SLC47A2: variants seen among roughly 807,000 people sequenced by gnomAD.
SLC47A2 encodes the protein multidrug and toxin extrusion protein 2.
In SLC47A2, 52 loss-of-function variants were observed where a neutral mutation model predicts 67.7. The observed-to-expected ratio is 0.77, with a 90% confidence interval of 0.61 to 0.97. SLC47A2 has a LOEUF of 0.97. SLC47A2 is among the 50% of genes least tolerant of loss of function. The pLI, the probability that SLC47A2 is intolerant of heterozygous loss-of-function variation, is 0.00. For synonymous variants in SLC47A2, 278 were observed against 292.9 expected (o/e 0.95, Z 0.52); for missense variants, 676 against 712.3 (o/e 0.95, Z 0.58).
rs758740002 is a variant in SLC47A2, at chr17:19,681,460, G to A, written c.1299C>T (p.Gly433=). 14 of 1,613,936 alleles carry A rather than the reference G, an allele frequency of 8.7e-6. No homozygotes were observed. Among genetic ancestry groups the A allele is most frequent in the Admixed American group, 1.7e-5 (1 of 59,976 alleles). Residue 433 remains glycine (G), a splice_region_variant and synonymous_variant, in exon 15 of 17, where the codon GGC becomes GGT. Transcript: ENST00000433844. ...CACAGGCCAGCATGCCCAGCCAGAG[G>A]CCTGGAGGAGACAAGTGATGATGGG... ...LTFVVRMRIM[G]LWLGMLACVF...
At chr17:19,686,735 C>G (rs2085438575) in intron 13 of SLC47A2, among the ~76,000 whole-genome samples, 2 of 152,122 alleles carry the variant, frequency 1.3e-5, no homozygotes, top group Admixed American at 1.3e-4. Flanking sequence ...GTCAGTTCAG[C>G]AAGAGAATAT....
At chr17:19,681,908 G>A (rs769587107) in intron 13 of SLC47A2, among the ~76,000 whole-genome samples, 1 of 152,110 alleles carries the variant, frequency 6.6e-6, no homozygotes, top group Non-Finnish European at 1.5e-5. Context: ...CAGTACTCAG[G>A]CTTCACTGCC....
intron 13 of SLC47A2, among the ~76,000 whole-genome samples, chr17:19,687,475 T>A (rs1189626625): frequency 6.6e-6 from 1 of 151,398 alleles, no homozygotes; most frequent in Non-Finnish European, 1.5e-5. Flanking sequence ...AACCCAAAAT[T>A]AGTAGAAGAA....
At chr17:19,701,431 T>C (rs1434963659) in intron 13 of SLC47A2, among the ~76,000 whole-genome samples, 3 of 152,096 alleles carry the variant, frequency 2.0e-5, no homozygotes, top group Non-Finnish European at 4.4e-5. Context: ...TCCATAAATA[T>C]GATTTCTTTC....
chr17:19,686,705 A>G (rs2085437588), intron 13 of SLC47A2, among the ~76,000 whole-genome samples: 1 of 152,236 alleles, frequency 6.6e-6, no homozygotes, highest in South Asian at 2.1e-4. Context: ...AGACAAGGTC[A>G]TTGTATAACG....
rs757113002 is a variant in SLC47A2, at chr17:19,707,723, C to T, written c.727+23G>A. On this transcript the variant is annotated intron_variant, in intron 8 of 16. Coordinates refer to ENST00000433844, the MANE Select transcript of SLC47A2 (RefSeq NM_001099646.3). ...CACCACCGCTGGCCTGCTCAGCCTCCCAGAGCAGGCCAGGCCTCCCACCTG... is the reference window on the plus strand; with the variant it reads ...CACCACCGCTGGCCTGCTCAGCCTCTCAGAGCAGGCCAGGCCTCCCACCTG... 51 of 1,561,916 alleles carry T rather than the reference C, an allele frequency of 3.3e-5. No individual in the cohort carries two copies. The African/African-American group carries it at 5.9e-4, about 18-fold the overall frequency.
At chr17:19,711,588 C>CAAAAAAAAAA (rs35308426) in intron 5 of SLC47A2, among the ~76,000 whole-genome samples, 70 of 32,988 alleles carry the variant, frequency 2.1e-3, no homozygotes, top group East Asian at 5.0e-3. Flanking sequence ...AACTCCGTCT[C>CAAAAAAAAAA]AAAAAAAAAA....
chr17:19,684,980 G>C (rs879115526), intron 13 of SLC47A2, among the ~76,000 whole-genome samples: 1 of 151,988 alleles, frequency 6.6e-6, no homozygotes, highest in African/African-American at 2.4e-5. Flanking sequence ...CGAGTGCCTG[G>C]GATTCCAGGC....
At position 19,714,780 on chromosome 17, in the gene SLC47A2, C is replaced by T; in HGVS notation, c.235G>A (p.Val79Ile). The T allele has an allele frequency of 1.9e-6, 3 of 1,614,126 alleles. No homozygotes were observed. Among genetic ancestry groups the T allele is most frequent in the Non-Finnish European group, 2.5e-6 (3 of 1,180,050 alleles). The stretch of plus-strand genomic sequence containing the variant: ...CCAACTCCTACAGAAACTCCGCAGA[C>T]ATTGACAAACTGGCGCCACACACAG... The part of the protein sequence containing the change: ...SVTLAVAFVN[V>I]CGVSVGVGLS... Residue 79 changes from valine to isoleucine, a missense_variant, in exon 3 of 17, where the codon GTC becomes ATC. Transcript: ENST00000433844.
Position 19,681,652 on chromosome 17 carries a change from G to C in SLC47A2, c.1183C>G (p.Leu395Val). The change falls in exon 14 of 17, where the codon CTG becomes GTG. Residue 395 changes from leucine (L) to valine (V), a missense_variant. Transcript: ENST00000433844. ...EAICCVYGGVLRGTGKQAFGA... is the reference protein window; with the variant it reads ...EAICCVYGGVVRGTGKQAFGA... ...AAGGCCTGCTTCCCAGTTCCTCTCA[G>C]AACTCCGCCATAGACACACTAGGAG... 6.2e-7 allele frequency: 1 copy of C among 1,613,674 alleles called. No homozygotes were observed. Among genetic ancestry groups the C allele is most frequent in the South Asian group, 1.1e-5 (1 of 91,024 alleles).
chr17:19,704,889 G>A (rs915668482), intron 10 of SLC47A2: 17 of 456,808 alleles, frequency 3.7e-5, no homozygotes, highest in South Asian at 2.4e-4. Context: ...GCAGTGGCAC[G>A]ATCTCGGCTC....
intron 13 of SLC47A2, among the ~76,000 whole-genome samples, chr17:19,696,839 G>A (rs552634533): frequency 2.6e-5 from 4 of 152,184 alleles, no homozygotes; most frequent in African/African-American, 9.7e-5. Context: ...TCTGGAGGCT[G>A]GGAAGTCCCA....
At chr17:19,708,158 C>A in intron 7 of SLC47A2, 144 bp downstream of exon 7, 2 of 902,632 alleles carry the variant, frequency 2.2e-6, no homozygotes, top group Non-Finnish European at 3.3e-6. Context: ...CCCAAGGGAC[C>A]ATCAGGCCCC....
Position 19,708,304 on chromosome 17 carries a change from G to C in SLC47A2, c.627C>G (p.Val209=). Residue 209 remains valine, a splice_region_variant and synonymous_variant, in exon 7 of 17, where the codon GTC becomes GTG. Coordinates refer to ENST00000433844, the MANE Select transcript of SLC47A2 (RefSeq NM_001099646.3). ...YALVSVLNLG[V]RGSAYANIIS... Reference sequence around the variant, plus strand: ...GCCCCACCAGCCCCCGGGCTCACCTGACCCCCAGGTTCAGCACAGAAACCA... The same window carrying C: ...GCCCCACCAGCCCCCGGGCTCACCTCACCCCCAGGTTCAGCACAGAAACCA... The C allele has an allele frequency of 6.2e-7, 1 of 1,612,654 alleles. No individual in the cohort carries two copies.
rs1356363624 is a variant in SLC47A2, at chr17:19,685,804, T to A, written c.1165-4134A>T. Reference sequence around the variant, plus strand: ...ACACCCAAAAATGATCAATAAATACTAAATAAATAAATAAATAAATAAACT... The same window carrying A: ...ACACCCAAAAATGATCAATAAATACAAAATAAATAAATAAATAAATAAACT... On this transcript the variant is annotated intron_variant, in intron 13 of 16. Coordinates refer to ENST00000433844, the MANE Select transcript of SLC47A2 (RefSeq NM_001099646.3). This position sits in a 1 kb window ranked among gnomAD's most constrained non-coding sequence, Gnocchi z 4.5. 6.8e-6 allele frequency among the ~76,000 whole-genome samples: 1 copy of A among 147,816 alleles called. No individual in the cohort carries two copies. The highest frequency in any genetic ancestry group is 1.5e-5 in the Non-Finnish European group (1 of 66,800).
In SLC47A2 at chr17:19,716,430, T is replaced by C. The variant is rs1285850665; in HGVS notation, c.123+3A>G. The stretch of plus-strand genomic sequence containing the variant: ...TACCTGCCCCCCAGCTCCTCCTCCT[T>C]ACCAGGGGTCCAGAAAGGGCAAAGA... On this transcript the variant is annotated splice_donor_region_variant and intron_variant, in intron 1 of 16. Transcript: ENST00000433844. 4 of 1,608,392 alleles carry C rather than the reference T, an allele frequency of 2.5e-6. No homozygotes were observed. The Admixed American group carries it at 5.0e-5, about 20-fold the overall frequency.
intron 13 of SLC47A2, among the ~76,000 whole-genome samples, chr17:19,696,938 G>T (rs191352492): frequency 6.6e-6 from 1 of 152,252 alleles, no homozygotes; most frequent in East Asian, 1.9e-4. Context: ...GAGGGGAAGG[G>T]GGCCAGACTC....
intron 1 of SLC47A2, among the ~76,000 whole-genome samples, 197 bp from the exon 2 acceptor site, chr17:19,715,414 C>T (rs974900416): frequency 6.6e-6 from 1 of 152,142 alleles, no homozygotes; most frequent in Admixed American, 6.5e-5. Flanking sequence ...TCACGCCTGG[C>T]CTCCACGTCC....
At chr17:19,689,666 C>T (rs1452273322) in intron 13 of SLC47A2, among the ~76,000 whole-genome samples, 1 of 149,070 alleles carries the variant, frequency 6.7e-6, no homozygotes, top group African/African-American at 2.5e-5. Flanking sequence ...CACTGCACTC[C>T]AGCCTAAGTG....
Sources: allele counts gnomAD v4.1 joint callset (sites outside exome capture counted in the v4.1 genomes callset), GRCh38; gene constraint gnomAD v4.1.1; non-coding constraint Gnocchi (gnomAD v3.1); transcripts MANE v1.5; gene names NCBI Gene and HGNC (gene_info 2026-07-23, HGNC 2026-07-21).